Variants in TMEM106B observed in about 807,000 individuals in gnomAD.
TMEM106B encodes the protein transmembrane protein 106B.
TMEM106B carries 15 observed loss-of-function variants against 31.1 expected under a neutral mutation model. The observed-to-expected ratio is 0.48, with a 90% CI of 0.32 to 0.74. The LOEUF is 0.74. TMEM106B is among the 30% of genes least tolerant of loss of function. TMEM106B has a pLI of 0.03. For missense variants in TMEM106B, 283 were observed against 327.3 expected, an observed-to-expected ratio of 0.86 and a Z score of 1.04; for synonymous variants, 126 against 112.5, an observed-to-expected ratio of 1.12 and a Z score of -0.76.
At chr7:12,221,390 TTAAA>T (rs1781785368) in intron 3 of TMEM106B, among the ~76,000 whole-genome samples, 1 of 152,176 alleles carries the variant, frequency 6.6e-6, no homozygotes, top group African/African-American at 2.4e-5. Context: ...AATTTTATAC[TTAAA>T]TAAGTTATTA....
rs1042946 is a variant in TMEM106B at position 12,232,040 on chromosome 7, G to T, written c.*65G>T. On this transcript the variant is annotated 3_prime_UTR_variant, in exon 8 of 8. Transcript: ENST00000396668. The stretch of plus-strand genomic sequence containing the variant: ...ATATTTCCTATACTCTCAATGAAGA[G>T]GTATTTCCTAATAGGAGACCTTAAA... 0.075 allele frequency: 111,020 copies of T among 1,488,102 alleles called. 4,869 individuals carry two copies. The highest frequency in any genetic ancestry group is 0.098 in the Middle Eastern group (550 of 5,608). 92.2% of individuals were successfully genotyped at this position (1,488,102 alleles called of 1,614,324 possible). A position where few individuals can be genotyped will look rare whatever the true frequency, so the allele number is the denominator to read the frequency against.
intron 4 of TMEM106B, among the ~76,000 whole-genome samples, chr7:12,226,191 GTAT>G (rs1781898074): frequency 6.6e-6 from 1 of 152,092 alleles, no homozygotes; most frequent in Admixed American, 6.5e-5. Context: ...TAGATGTGTG[GTAT>G]TATTTCTGAG....
intron 2 of TMEM106B, chr7:12,215,790 CTG>C (rs1781675253): frequency 5.8e-6 from 1 of 173,544 alleles, no homozygotes; most frequent in Non-Finnish European, 1.4e-5. Flanking sequence ...TAAAGAAACT[CTG>C]TGAAGAGGGA....
intron 1 of TMEM106B, among the ~76,000 whole-genome samples, chr7:12,213,736 T>C (rs12699323): frequency 0.5 from 75,682 of 151,558 alleles, 19,712 homozygotes; most frequent in East Asian, 0.64. Context: ...ATTATTTTGA[T>C]TGGATATAAT....
Position 12,217,025 on chromosome 7 carries a change from G to C in TMEM106B, c.218-1433G>C, listed in dbSNP as rs551186761. 3.7e-5 allele frequency among the ~76,000 whole-genome samples: 4 copies of C among 108,712 alleles called. No homozygotes were observed. The South Asian group carries it at 1.4e-3, about 38-fold the overall frequency. 71.3% of individuals were successfully genotyped at this position (108,712 alleles called of 152,430 possible). On this transcript the variant is annotated intron_variant, in intron 2 of 7. Transcript: ENST00000396668. The stretch of plus-strand genomic sequence containing the variant: ...GAAGGGGCTGTGAGGTCAGGAGAGG[G>C]ATTTTTTTTTTTCTTTGTAAGATAG...
At chr7:12,211,924 T>TTTCA (rs1164120078) in intron 1 of TMEM106B, among the ~76,000 whole-genome samples, 2 of 152,196 alleles carry the variant, frequency 1.3e-5, no homozygotes, top group African/African-American at 4.8e-5. Context: ...CCATGTTGAC[T>TTTCA]TTCAGTAAAC....
intron 5 of TMEM106B, among the ~76,000 whole-genome samples, 182 bp from the exon 6 acceptor site, chr7:12,230,207 T>C (rs1324701544): frequency 6.6e-6 from 1 of 151,746 alleles, no homozygotes; most frequent in African/African-American, 2.4e-5. Flanking sequence ...CACAGTGAGA[T>C]CCTGTCTCAA....
intron 3 of TMEM106B, among the ~76,000 whole-genome samples, chr7:12,223,028 A>G (rs1435526): frequency 0.63 from 95,553 of 151,934 alleles, 30,941 homozygotes; most frequent in African/African-American, 0.8. Flanking sequence ...GCAAGACTCA[A>G]AAACAAAAAA....
chr7:12,226,306 G>C (rs1354641238), intron 4 of TMEM106B, among the ~76,000 whole-genome samples: 1 of 152,114 alleles, frequency 6.6e-6, no homozygotes, highest in African/African-American at 2.4e-5. Context: ...GATGCCTCCA[G>C]CTTTGTTCTT....
chr7:12,233,560 GTTTTTGGT>G lies in TMEM106B; in HGVS notation c.*1591_*1598del, dbSNP rs1782071273. 1 of 149,934 alleles carries G rather than the reference GTTTTTGGT, an allele frequency of 6.7e-6. No individual in the cohort carries two copies. Among genetic ancestry groups the G allele is most frequent in the Admixed American group, 6.7e-5 (1 of 15,022 alleles). The allele number at this position is 149,934 out of a possible 1,614,324, so 9.3% of individuals were successfully genotyped here. A position where few individuals can be genotyped will look rare whatever the true frequency, so the allele number is the denominator to read the frequency against. On this transcript the variant is annotated 3_prime_UTR_variant, in exon 8 of 8. Coordinates refer to ENST00000396668, the MANE Select transcript of TMEM106B (RefSeq NM_001134232.2). ...GAGTATCTTCAATTCGTTGAATGTG[GTTTTTGGT>G]TTTTTTTTGTTTTAACACTAGTCTT...
intron 7 of TMEM106B, chr7:12,231,528 T>G (rs934461652): frequency 1.5e-5 from 4 of 262,216 alleles, no homozygotes; most frequent in Non-Finnish European, 2.9e-5. Context: ...TGATTAACCT[T>G]TTTTTCTATG....
chr7:12,236,250 G>T lies in TMEM106B; in HGVS notation c.*4275G>T, dbSNP rs1212617065. The T allele has an allele frequency of 1.3e-5, 2 of 151,756 alleles. No individual in the cohort carries two copies. Among genetic ancestry groups the T allele is most frequent in the African/African-American group, 4.8e-5 (2 of 41,386 alleles). 9.4% of individuals were successfully genotyped at this position (151,756 alleles called of 1,614,324 possible). A position where few individuals can be genotyped will look rare whatever the true frequency, so the allele number is the denominator to read the frequency against. The stretch of plus-strand genomic sequence containing the variant: ...ATTTCACAGTGGATTTTTGAAGTTT[G>T]TCCTTAAATTGGATAAAATCAAGTG... On this transcript the variant is annotated 3_prime_UTR_variant, in exon 8 of 8. Coordinates refer to ENST00000396668, the MANE Select transcript of TMEM106B (RefSeq NM_001134232.2).
chr7:12,225,045 G>A (rs1476956957), intron 4 of TMEM106B, among the ~76,000 whole-genome samples: 6 of 152,032 alleles, frequency 3.9e-5, no homozygotes, highest in Non-Finnish European at 8.8e-5. Context: ...AGGCCTCGGT[G>A]TGTGATGTTC....
At position 12,232,831 on chromosome 7, in the gene TMEM106B, T is replaced by G. The variant is rs979923960; in HGVS notation, c.*856T>G. 6.6e-6 allele frequency: 1 copy of G among 152,084 alleles called. No individual in the cohort carries two copies. The highest frequency in any genetic ancestry group is 2.4e-5 in the African/African-American group (1 of 41,424). 9.4% of individuals were successfully genotyped at this position (152,084 alleles called of 1,614,324 possible). A position where few individuals can be genotyped will look rare whatever the true frequency, so the allele number is the denominator to read the frequency against. ...AAATGAAATTCAGAAACCCATAGAC[T>G]GGGAATAGGTTCCAGTTACAGCTTG... On this transcript the variant is annotated 3_prime_UTR_variant, in exon 8 of 8. Transcript: ENST00000396668.
chr7:12,223,365 T>C (rs1415933123), intron 3 of TMEM106B, among the ~76,000 whole-genome samples: 1 of 147,050 alleles, frequency 6.8e-6, no homozygotes, highest in Non-Finnish European at 1.5e-5. Context: ...TTTAAAAATA[T>C]GGAGGATGTG....
intron 7 of TMEM106B, 25 bp downstream of exon 7, chr7:12,231,140 A>T: frequency 6.4e-7 from 1 of 1,556,898 alleles, no homozygotes; most frequent in South Asian, 1.2e-5. Context: ...TTTTTGAAAG[A>T]GATTTTGCTT....
In TMEM106B at chr7:12,222,551, A is replaced by G. The variant is rs1029856307; in HGVS notation, c.282-1675A>G. On this transcript the variant is annotated intron_variant, in intron 3 of 7. Coordinates refer to ENST00000396668, the MANE Select transcript of TMEM106B (RefSeq NM_001134232.2). Reference sequence around the variant, plus strand: ...AAAACGCTGAAGTGTAGAAAATCCAACAAAGTTCAGATTTTATTATGATGA... The same window carrying G: ...AAAACGCTGAAGTGTAGAAAATCCAGCAAAGTTCAGATTTTATTATGATGA... Among the ~76,000 whole-genome samples the G allele has an allele frequency of 5.3e-5, 8 of 152,332 alleles. No individual in the cohort carries two copies. The East Asian group carries it at 1.5e-3, about 29-fold the overall frequency.
chr7:12,223,300 CTAAT>C (rs1359394475), intron 3 of TMEM106B, among the ~76,000 whole-genome samples: 3 of 151,866 alleles, frequency 2.0e-5, no homozygotes, highest in African/African-American at 4.8e-5. Flanking sequence ...CAAAAAAAGA[CTAAT>C]TATAGTAAGA....
chr7:12,215,695 G>A (rs928433264), intron 2 of TMEM106B: 5 of 289,296 alleles, frequency 1.7e-5, no homozygotes, highest in South Asian at 1.7e-4. Context: ...TAGAATTACA[G>A]CTGTGAGCCA....
Sources: gnomAD v4.1 joint callset for allele counts (sites outside exome capture counted in the v4.1 genomes callset) on GRCh38, gnomAD v4.1.1 for gene constraint, MANE v1.5 for transcripts, NCBI Gene and HGNC (gene_info 2026-07-23, HGNC 2026-07-21) for gene names.